NTMT2: variants seen among roughly 807,000 people sequenced by gnomAD.
NTMT2 encodes the protein X-Pro-Lys N-terminal protein methyltransferase 1B.
A neutral mutation model predicts 23.4 loss-of-function variants in NTMT2; 21 were observed. The ratio of observed to expected loss-of-function variants is 0.90; its 90% confidence interval spans 0.64 to 1.29. NTMT2 has a LOEUF of 1.29. Among genes scored for constraint, NTMT2 ranks in the 50% most tolerant of loss-of-function variants. The pLI is 0.00. For synonymous variants in NTMT2, 131 were observed against 127.7 expected (o/e 1.03, Z -0.17); for missense variants, 336 against 352.0 (o/e 0.95, Z 0.36).
At chr1:170,161,448 T>C (rs1673271143) in intron 2 of NTMT2, among the ~76,000 whole-genome samples, 1 of 152,222 alleles carries the variant, frequency 6.6e-6, no homozygotes, top group South Asian at 2.1e-4. Context: ...TCAACCCCTA[T>C]TACTTCCTTA....
chr1:170,145,998 A>C lies in NTMT2; in HGVS notation c.-110A>C. 2 of 1,016,564 alleles carry C rather than the reference A, an allele frequency of 2.0e-6. No homozygotes were observed. Among genetic ancestry groups the C allele is most frequent in the Non-Finnish European group, 2.8e-6 (2 of 707,482 alleles). 63.0% of individuals were successfully genotyped at this position (1,016,564 alleles called of 1,614,324 possible). On this transcript the variant is annotated 5_prime_UTR_variant, in exon 1 of 4. Transcript: ENST00000439373. ...CTGTCCTGATATAGATGGAGAGGGG[A>C]CTGGTTTAAAATGACAGTCTCAAGT...
chr1:170,162,117 C>T (rs999801199), intron 2 of NTMT2, among the ~76,000 whole-genome samples: 10 of 152,018 alleles, frequency 6.6e-5, no homozygotes, highest in African/African-American at 2.4e-4. Context: ...AACAAACAAA[C>T]AAAGCAAAGC....
chr1:170,148,934 A>G (rs1673018544), intron 1 of NTMT2, among the ~76,000 whole-genome samples: 1 of 152,212 alleles, frequency 6.6e-6, no homozygotes, highest in Non-Finnish European at 1.5e-5. Flanking sequence ...GTCCAGAACT[A>G]CAAGAATTCT....
intron 2 of NTMT2, among the ~76,000 whole-genome samples, chr1:170,163,868 TC>T (rs1447035475): frequency 6.6e-6 from 1 of 152,212 alleles, no homozygotes; most frequent in African/African-American, 2.4e-5. Context: ...ACACCTGTAA[TC>T]CCATCACTTT....
At chr1:170,160,416 A>C in intron 1 of NTMT2, 102 bp from the exon 2 acceptor site, 1 of 1,111,782 alleles carries the variant, frequency 9.0e-7, no homozygotes, top group Non-Finnish European at 1.2e-6. Flanking sequence ...TCTTTTTGCC[A>C]CAGCACAGAT....
intron 1 of NTMT2, among the ~76,000 whole-genome samples, chr1:170,153,116 G>C (rs945933972): frequency 1.3e-5 from 2 of 152,158 alleles, no homozygotes; most frequent in Non-Finnish European, 2.9e-5. Flanking sequence ...GCTCCCTAAG[G>C]CCTCCCCAGA....
At chr1:170,148,561 T>G (rs1673011220) in intron 1 of NTMT2, among the ~76,000 whole-genome samples, 1 of 152,154 alleles carries the variant, frequency 6.6e-6, no homozygotes, top group Admixed American at 6.5e-5. Context: ...GGACATTAGT[T>G]TGCCTGAGAG....
rs1057177283 is a variant in NTMT2 at position 170,167,777 on chromosome 1, G to C, written c.*20G>C. ...TCCTGAAAAAGCAGTGGGAATGAACGACTGGACTGGGCAGTGGTGCTTTGG... is the reference window on the plus strand; with the variant it reads ...TCCTGAAAAAGCAGTGGGAATGAACCACTGGACTGGGCAGTGGTGCTTTGG... On this transcript the variant is annotated 3_prime_UTR_variant, in exon 4 of 4. Transcript: ENST00000439373. The C allele has an allele frequency of 6.5e-7, 1 of 1,538,326 alleles. No individual in the cohort carries two copies. The highest frequency in any genetic ancestry group is 8.8e-7 in the Non-Finnish European group (1 of 1,140,062).
chr1:170,148,459 C>T (rs1673010085), intron 1 of NTMT2, among the ~76,000 whole-genome samples: 1 of 152,036 alleles, frequency 6.6e-6, no homozygotes, highest in Non-Finnish European at 1.5e-5. Flanking sequence ...AACCATTAGT[C>T]TATCCCAAGC....
chr1:170,154,147 C>T (rs1482991346), intron 1 of NTMT2, among the ~76,000 whole-genome samples: 2 of 152,144 alleles, frequency 1.3e-5, no homozygotes, highest in Non-Finnish European at 2.9e-5. Flanking sequence ...GGTGTTAAGC[C>T]TGTGGGTTCA....
chr1:170,161,721 T>C (rs939484771), intron 2 of NTMT2: 1 of 152,214 alleles, frequency 6.6e-6, no homozygotes, highest in Non-Finnish European at 1.5e-5. Flanking sequence ...TTTATTGCTA[T>C]TACTACTACT....
intron 1 of NTMT2, among the ~76,000 whole-genome samples, chr1:170,148,303 C>T (rs1167374680): frequency 6.6e-6 from 1 of 151,080 alleles, no homozygotes; most frequent in Non-Finnish European, 1.5e-5. Flanking sequence ...CCCCCGCTAC[C>T]ATGCCCGGCT....
At chr1:170,146,487 C>A (rs999386848) in intron 1 of NTMT2, among the ~76,000 whole-genome samples, 9 of 152,082 alleles carry the variant, frequency 5.9e-5, no homozygotes, top group Admixed American at 5.2e-4. Context: ...TTTCCATGCA[C>A]CCTCAGGCAC....
intron 1 of NTMT2, among the ~76,000 whole-genome samples, chr1:170,148,312 C>G (rs1673007546): frequency 6.7e-6 from 1 of 148,496 alleles, no homozygotes; most frequent in South Asian, 2.1e-4. Flanking sequence ...CCATGCCCGG[C>G]TATTTTTTTT....
intron 1 of NTMT2, among the ~76,000 whole-genome samples, chr1:170,150,182 G>T (rs1046320148): frequency 2.6e-5 from 4 of 152,074 alleles, no homozygotes; most frequent in African/African-American, 7.2e-5. Flanking sequence ...CCCTCCAACT[G>T]CCTAGATTAG....
At chr1:170,154,678 T>G (rs568905519) in intron 1 of NTMT2, among the ~76,000 whole-genome samples, 2 of 151,340 alleles carry the variant, frequency 1.3e-5, no homozygotes, top group South Asian at 4.1e-4. Flanking sequence ...TTTATGGGGT[T>G]GTAGGTGGAG....
chr1:170,147,582 GT>G (rs374589506), intron 1 of NTMT2, among the ~76,000 whole-genome samples: 6 of 152,260 alleles, frequency 3.9e-5, no homozygotes, highest in African/African-American at 1.4e-4. Flanking sequence ...AGGTGATGAT[GT>G]TCTAGTCACT....
chr1:170,152,595 G>A (rs1673091170), intron 1 of NTMT2, among the ~76,000 whole-genome samples: 1 of 152,132 alleles, frequency 6.6e-6, no homozygotes. Flanking sequence ...AAAGCCTATA[G>A]GGAGCAAATA....
At chr1:170,163,816 A>T (rs566613094) in intron 2 of NTMT2, among the ~76,000 whole-genome samples, 2 of 152,340 alleles carry the variant, frequency 1.3e-5, no homozygotes, top group South Asian at 4.1e-4. Flanking sequence ...ATAAGTATAA[A>T]CATGGCATAA....
Sources: allele counts gnomAD v4.1 joint callset (sites outside exome capture counted in the v4.1 genomes callset), GRCh38; gene constraint gnomAD v4.1.1; transcripts MANE v1.5; gene names NCBI Gene and HGNC (gene_info 2026-07-23, HGNC 2026-07-21).